USP53: variants seen among roughly 807,000 people sequenced by gnomAD.
USP53 encodes ubiquitin carboxyl-terminal hydrolase 53.
A neutral mutation model predicts 94.9 loss-of-function variants in USP53; 71 were observed. The observed-to-expected ratio is 0.75, with a 90% CI of 0.62 to 0.91. The LOEUF (loss-of-function observed/expected upper bound fraction) is 0.91. Ranked by LOEUF, USP53 falls within the 40% of genes least tolerant of loss-of-function variation. The pLI, the probability that USP53 is intolerant of heterozygous loss-of-function variation, is 0.00. For synonymous variants in USP53, 375 were observed against 422.7 expected (o/e 0.89, Z 1.39); for missense variants, 1,173 against 1,281.0 (o/e 0.92, Z 1.29).
upstream of USP53, chr4:119,212,702 G>A (rs1471490600): frequency 1.5e-5 from 5 of 342,990 alleles, no homozygotes; most frequent in East Asian, 2.3e-4. Flanking sequence ...GAGACCAGCC[G>A]CCTGTGCTCC....
chr4:119,291,143 T>TGCCCCC, intron 17 of USP53, 22 bp from the exon 18 acceptor site: 8 of 747,508 alleles, frequency 1.1e-5, no homozygotes, highest in Non-Finnish European at 1.7e-5. Context: ...TCATCTCTTC[T>TGCCCCC]CCCCACCCCA....
At chr4:119,222,129 C>A (rs1038373041) in intron 3 of USP53, among the ~76,000 whole-genome samples, 2 of 151,912 alleles carry the variant, frequency 1.3e-5, no homozygotes, top group East Asian at 3.9e-4. Flanking sequence ...TTTTTATTTT[C>A]TTCCTTATTC....
In USP53 at chr4:119,215,610, T is replaced by C. The variant is rs557243927; in HGVS notation, c.-789+1388T>C. 1.1e-3 allele frequency among the ~76,000 whole-genome samples: 163 copies of C among 152,230 alleles called. 3 individuals carry two copies. In the South Asian group the frequency reaches 0.027, roughly 25 times the overall value. On this transcript the variant is annotated intron_variant, in intron 2 of 18. Coordinates refer to ENST00000692078, the MANE Select transcript of USP53 (RefSeq NM_001371395.1). ...ATATAATTGGTTTTCTTTGTGATCT[T>C]AGTATTTTTTTTTCTTTTTCTTTTT...
At chr4:119,220,505 T>G (rs1744368535) in intron 3 of USP53, 2 of 152,304 alleles carry the variant, frequency 1.3e-5, no homozygotes, top group African/African-American at 4.8e-5. Context: ...TTTACTTATT[T>G]CATATTTGCA....
Position 119,213,647 on chromosome 4 carries a change from T to TTAGATATATATAGATAG in USP53, c.-941-423_-941-422insTAGATATATATAGATAG, listed in dbSNP as rs201030853. On this transcript the variant is annotated intron_variant, in intron 1 of 18. Coordinates refer to ENST00000692078, the MANE Select transcript of USP53 (RefSeq NM_001371395.1). ...GTTTCCTTATCTGGAAATAGATATA[T>TTAGATATATATAGATAG]ATATATATATATATGTGTGTGTGTG... Among the ~76,000 whole-genome samples the TTAGATATATATAGATAG allele has an allele frequency of 1.4e-3, 174 of 122,880 alleles. 4 individuals are homozygous for TTAGATATATATAGATAG. The East Asian group carries it at 0.025, about 17-fold the overall frequency. 80.6% of individuals were successfully genotyped at this position (122,880 alleles called of 152,430 possible).
At chr4:119,248,920 T>C (rs370498958) in intron 7 of USP53, 38 bp downstream of exon 7, 4 of 1,609,886 alleles carry the variant, frequency 2.5e-6, no homozygotes, top group East Asian at 2.2e-5. Flanking sequence ...GTCAGGATAG[T>C]AGTTTTCATT....
intron 17 of USP53, among the ~76,000 whole-genome samples, chr4:119,276,425 A>G (rs1752652366): frequency 6.6e-6 from 1 of 151,312 alleles, no homozygotes; most frequent in Non-Finnish European, 1.5e-5. Context: ...GTATTGAACC[A>G]GCCTTGCATC....
chr4:119,228,863 A>T (rs1745674425), intron 3 of USP53, among the ~76,000 whole-genome samples: 1 of 152,212 alleles, frequency 6.6e-6, no homozygotes, highest in South Asian at 2.1e-4. Context: ...TTTGGATCTT[A>T]CTGAACAGAA....
chr4:119,248,849 A>G lies in USP53; in HGVS notation c.339A>G (p.Gln113=), dbSNP rs755890209. 1.9e-6 allele frequency: 3 copies of G among 1,614,150 alleles called. No homozygotes were observed. Among genetic ancestry groups the G allele is most frequent in the Non-Finnish European group, 2.5e-6 (3 of 1,180,020 alleles). ...GTTTCAAAGATGAGCAGCGATTTCA[A>G]CTTGGCCTTATGGATGATGCTGCGG... is the stretch of plus-strand genomic sequence containing the variant. The part of the protein sequence containing the change: ...AESFKDEQRF[Q]LGLMDDAAEC... The change falls in exon 7 of 19, where the codon CAA becomes CAG. Residue 113 remains glutamine (Q), a synonymous_variant. Transcript: ENST00000692078.
intron 3 of USP53, among the ~76,000 whole-genome samples, chr4:119,222,758 A>G (rs764441959): frequency 6.6e-6 from 1 of 152,224 alleles, no homozygotes; most frequent in Non-Finnish European, 1.5e-5. Flanking sequence ...TAATGCCACA[A>G]TAAACATGGG....
Position 119,271,846 on chromosome 4 carries a change from A to T in USP53, c.1986A>T (p.Gly662=). The change falls in exon 16 of 19, where the codon GGA becomes GGT. Residue 662 remains glycine, a synonymous_variant. Transcript: ENST00000692078. ...SRSSLESNGK[G]AEKNKGLVEG... is the part of the protein sequence containing the mutation. ...GTTCCCTTGAATCTAATGGAAAAGG[A>T]GCAGAGAAAAATAAAGGCCTTGTAG... is the stretch of plus-strand genomic sequence containing the variant. 1 of 1,613,364 alleles carries T rather than the reference A, an allele frequency of 6.2e-7. No homozygotes were observed. Among genetic ancestry groups the T allele is most frequent in the Non-Finnish European group, 8.5e-7 (1 of 1,179,858 alleles).
Position 119,256,508 on chromosome 4 carries a change from C to G in USP53, c.554C>G (p.Ser185Cys). ...LPFTEFVRYI[S>C]TTALCNEVER... ...TTTACAGAATTTGTGCGGTACATTTCTACAACAGCCTTATGGTAAGAACCT... is the reference window on the plus strand; with the variant it reads ...TTTACAGAATTTGTGCGGTACATTTGTACAACAGCCTTATGGTAAGAACCT... The change falls in exon 9 of 19, where the codon TCT becomes TGT. Residue 185 changes from serine to cysteine, a missense_variant. Coordinates refer to ENST00000692078, the MANE Select transcript of USP53 (RefSeq NM_001371395.1). 1 of 1,614,048 alleles carries G rather than the reference C, an allele frequency of 6.2e-7. No individual in the cohort carries two copies. Among genetic ancestry groups the G allele is most frequent in the Non-Finnish European group, 8.5e-7 (1 of 1,179,980 alleles).
In USP53 at chr4:119,293,792, A is replaced by G. The variant is rs1011234175; in HGVS notation, c.*581A>G. On this transcript the variant is annotated 3_prime_UTR_variant, in exon 19 of 19. Transcript: ENST00000692078. ...CTTCACCCATTTGTTTTTGACTTCT[A>G]TGATAGTCACTGCATATGATCCCTT... is the stretch of plus-strand genomic sequence containing the variant. The G allele has an allele frequency of 2.6e-5, 4 of 151,752 alleles. No homozygotes were observed. The highest frequency in any genetic ancestry group is 9.7e-5 in the African/African-American group (4 of 41,372). The allele number at this position is 151,752 out of a possible 1,614,324, so 9.4% of individuals were successfully genotyped here. A position where few individuals can be genotyped will look rare whatever the true frequency, so the allele number is the denominator to read the frequency against.
At chr4:119,262,314 CTT>C (rs1437450837) in intron 12 of USP53, among the ~76,000 whole-genome samples, 1 of 152,038 alleles carries the variant, frequency 6.6e-6, no homozygotes, top group African/African-American at 2.4e-5. Context: ...TCAGTTATAT[CTT>C]TTGGTAATTA....
intron 5 of USP53, among the ~76,000 whole-genome samples, chr4:119,240,577 A>G (rs1747391607): frequency 6.6e-6 from 1 of 152,196 alleles, no homozygotes; most frequent in Admixed American, 6.5e-5. Context: ...TAGAATACTG[A>G]TAACTTTTTC....
At chr4:119,253,820 T>G (rs1749376871) in intron 7 of USP53, among the ~76,000 whole-genome samples, 1 of 152,210 alleles carries the variant, frequency 6.6e-6, no homozygotes, top group Non-Finnish European at 1.5e-5. Context: ...GCGTCAATGG[T>G]CTTTAAATTT....
chr4:119,260,447 G>A (rs751847594), intron 10 of USP53, 60 bp from the exon 11 acceptor site: 12 of 1,505,808 alleles, frequency 8.0e-6, no homozygotes, highest in East Asian at 2.4e-5. Context: ...AATGCAAACT[G>A]TGTAAGGCTG....
At chr4:119,221,018 C>T (rs1183920024) in intron 3 of USP53, 1 of 152,130 alleles carries the variant, frequency 6.6e-6, no homozygotes, top group Non-Finnish European at 1.5e-5. Context: ...GGAACCTAAT[C>T]AGATATGAGG....
chr4:119,244,467 T>A (rs1747956285), intron 5 of USP53, among the ~76,000 whole-genome samples: 1 of 152,180 alleles, frequency 6.6e-6, no homozygotes. Context: ...AAGAGAAATT[T>A]GAAGATCTTA....
Sources: allele counts gnomAD v4.1 joint callset (sites outside exome capture counted in the v4.1 genomes callset), GRCh38; gene constraint gnomAD v4.1.1; transcripts MANE v1.5; gene names NCBI Gene and HGNC (gene_info 2026-07-23, HGNC 2026-07-21).